Variants in ZC2HC1B observed in about 807,000 individuals in gnomAD.
The protein encoded by ZC2HC1B is zinc finger C2HC-type containing 1B, also known as zinc finger C2HC domain-containing protein 1B.
A neutral mutation model predicts 31.0 loss-of-function variants in ZC2HC1B; 36 were observed. The observed-to-expected ratio is 1.16, with a 90% CI of 0.89 to 1.54. ZC2HC1B has a LOEUF of 1.54. Among genes scored for constraint, ZC2HC1B ranks in the 40% most tolerant of loss-of-function variants. The pLI, the probability that ZC2HC1B is intolerant of heterozygous loss-of-function variation, is 0.00. For synonymous variants in ZC2HC1B, 73 were observed against 88.0 expected, an observed-to-expected ratio of 0.83 and a Z score of 0.95; for missense variants, 260 against 268.6, an observed-to-expected ratio of 0.97 and a Z score of 0.22.
intron 6 of ZC2HC1B, 126 bp from the exon 7 acceptor site, chr6:143,937,523 C>T: frequency 1.8e-6 from 1 of 545,326 alleles, no homozygotes; most frequent in Non-Finnish European, 2.8e-6. Context: ...CACACTCCCC[C>T]ACCTCCCACC....
At chr6:143,914,335 T>A (rs1430640188) in intron 6 of ZC2HC1B, among the ~76,000 whole-genome samples, 1 of 152,246 alleles carries the variant, frequency 6.6e-6, no homozygotes, top group Admixed American at 6.5e-5. Context: ...ATTTCTTCCT[T>A]GATAACATTG....
chr6:143,865,345 G>C lies in ZC2HC1B; in HGVS notation c.28+778G>C, dbSNP rs1777244643. 2.6e-5 allele frequency among the ~76,000 whole-genome samples: 4 copies of C among 152,216 alleles called. No homozygotes were observed. The South Asian group carries it at 8.3e-4, about 32-fold the overall frequency. The stretch of plus-strand genomic sequence containing the variant: ...GTAACTGGCAATACTATCGTGGTAA[G>C]TACCACTTGTAATTAGAATCTTGGT... On this transcript the variant is annotated intron_variant, in intron 1 of 7. Coordinates refer to ENST00000237275, the MANE Select transcript of ZC2HC1B (RefSeq NM_001013623.3). This position sits in a 1 kb window ranked among gnomAD's most constrained non-coding sequence, Gnocchi z 4.4.
rs1291358434 is a variant in ZC2HC1B at position 143,934,389 on chromosome 6, CCT to C, written c.599-3255_599-3254del. 2.0e-5 allele frequency among the ~76,000 whole-genome samples: 3 copies of C among 152,166 alleles called. No individual in the cohort carries two copies. The highest frequency in any genetic ancestry group is 4.4e-5 in the Non-Finnish European group (3 of 68,038). ...GCCCTGTCCCCTATCTGCCATCTTC[CCT>C]CTCTTTCAATATGCTTTTTTAATAT... On this transcript the variant is annotated intron_variant, in intron 6 of 7. Transcript: ENST00000237275. The surrounding 1 kb of genome is among the most constrained non-coding windows in gnomAD (Gnocchi z 4.6).
chr6:143,898,800 G>C, intron 5 of ZC2HC1B, 109 bp downstream of exon 5: 1 of 1,355,540 alleles, frequency 7.4e-7, no homozygotes, highest in Non-Finnish European at 1.0e-6. Flanking sequence ...GTGTAAGCGT[G>C]AAGAGAGCTG....
rs1367151217 is a variant in ZC2HC1B, at chr6:143,884,662, G to GA, written c.90+301dup. 6.6e-6 allele frequency among the ~76,000 whole-genome samples: 1 copy of GA among 152,076 alleles called. No homozygotes were observed. The highest frequency in any genetic ancestry group is 1.5e-5 in the Non-Finnish European group (1 of 68,016). ...CTCTTCCACCTTTTCTTTAAGCATC[G>GA]AAAATTCAAATTTCAAGGCCAAAGC... is the stretch of plus-strand genomic sequence containing the variant. On this transcript the variant is annotated intron_variant, in intron 2 of 7. Coordinates refer to ENST00000237275, the MANE Select transcript of ZC2HC1B (RefSeq NM_001013623.3). The surrounding 1 kb of genome is among the most constrained non-coding windows in gnomAD (Gnocchi z 5.1).
At chr6:143,873,433 A>C (rs1412320681) in intron 1 of ZC2HC1B, among the ~76,000 whole-genome samples, 1 of 152,328 alleles carries the variant, frequency 6.6e-6, no homozygotes, top group East Asian at 1.9e-4. Context: ...TCTGGAGGAC[A>C]GTGGCCCTCT....
At chr6:143,882,729 A>G (rs1362708773) in intron 1 of ZC2HC1B, among the ~76,000 whole-genome samples, 4 of 151,926 alleles carry the variant, frequency 2.6e-5, no homozygotes, top group African/African-American at 4.8e-5. Context: ...CTCAAAGCCT[A>G]CATCTGTGTC....
chr6:143,890,596 T>C (rs1777589558), intron 4 of ZC2HC1B, among the ~76,000 whole-genome samples: 1 of 152,064 alleles, frequency 6.6e-6, no homozygotes, highest in Non-Finnish European at 1.5e-5. Flanking sequence ...TAATGCTCAG[T>C]GTAATAAGGC....
rs377075740 is a variant in ZC2HC1B, at chr6:143,924,146, C to T, written c.599-13503C>T. On this transcript the variant is annotated intron_variant, in intron 6 of 7. Transcript: ENST00000237275. This position sits in a 1 kb window ranked among gnomAD's most constrained non-coding sequence, Gnocchi z 5.2. Reference sequence around the variant, plus strand: ...TTCATCAGTGTTTTGAAGTTTTCCTCGTAAGCGTCTTTCACTTTCTTGGTT... The same window carrying T: ...TTCATCAGTGTTTTGAAGTTTTCCTTGTAAGCGTCTTTCACTTTCTTGGTT... Among the ~76,000 whole-genome samples, 3 of 151,876 alleles carry T rather than the reference C, an allele frequency of 2.0e-5. No individual in the cohort carries two copies. Among genetic ancestry groups the T allele is most frequent in the Admixed American group, 6.6e-5 (1 of 15,260 alleles).
In ZC2HC1B at chr6:143,915,819, A is replaced by G. The variant is rs532562423; in HGVS notation, c.598+12667A>G. ...AAATTTCTAAGCAGCAAAGCATTCA[A>G]TATGTGACTTGGGTGCTGTTAAAGG... On this transcript the variant is annotated intron_variant, in intron 6 of 7. Transcript: ENST00000237275. This position sits in a 1 kb window ranked among gnomAD's most constrained non-coding sequence, Gnocchi z 5.2. Among the ~76,000 whole-genome samples, 5 of 152,368 alleles carry G rather than the reference A, an allele frequency of 3.3e-5. No homozygotes were observed. The highest frequency in any genetic ancestry group is 4.1e-4 in the South Asian group (2 of 4,834).
intron 1 of ZC2HC1B, among the ~76,000 whole-genome samples, chr6:143,867,550 T>C (rs1777279187): frequency 6.6e-6 from 1 of 152,238 alleles, no homozygotes; most frequent in South Asian, 2.1e-4. Context: ...TTTCTGCTTC[T>C]AAACTCACCC....
Position 143,898,641 on chromosome 6 carries a change from C to T in ZC2HC1B, c.439C>T (p.Arg147Ter), listed in dbSNP as rs1263180181. 11 of 1,551,838 alleles carry T rather than the reference C, an allele frequency of 7.1e-6. No individual in the cohort carries two copies. Among genetic ancestry groups the T allele is most frequent in the Admixed American group, 2.0e-5 (1 of 50,990 alleles). The change falls in exon 5 of 8, where the codon CGA (arginine) becomes TGA (stop). Residue 147 changes from arginine (R) to a stop codon, truncating the protein, a stop_gained. Coordinates refer to ENST00000237275, the MANE Select transcript of ZC2HC1B (RefSeq NM_001013623.3). LOFTEE classifies it high-confidence loss of function. ...TNFCKDQSSR[R>*]VFNPAQTAAK... ...TTTCTGCAAGGATCAGTCTTCTCGC[C>T]GAGTCTTTAATCCAGCTCAGACAGC...
At position 143,913,524 on chromosome 6, in the gene ZC2HC1B, A is replaced by C. The variant is rs1777884659; in HGVS notation, c.598+10372A>C. 6.6e-6 allele frequency among the ~76,000 whole-genome samples: 1 copy of C among 152,134 alleles called. No individual in the cohort carries two copies. Among genetic ancestry groups the C allele is most frequent in the Non-Finnish European group, 1.5e-5 (1 of 68,020 alleles). On this transcript the variant is annotated intron_variant, in intron 6 of 7. Transcript: ENST00000237275. The surrounding 1 kb of genome is among the most constrained non-coding windows in gnomAD (Gnocchi z 5.7). The stretch of plus-strand genomic sequence containing the variant: ...AGAATGATGCTGCTTGGCTCCCTGG[A>C]TTCTGCCCCTTCCTAGGGATATATG...
rs921763491 is a variant in ZC2HC1B, at chr6:143,899,404, C to G, written c.489+713C>G. On this transcript the variant is annotated intron_variant, in intron 5 of 7. Coordinates refer to ENST00000237275, the MANE Select transcript of ZC2HC1B (RefSeq NM_001013623.3). This position sits in a 1 kb window ranked among gnomAD's most constrained non-coding sequence, Gnocchi z 5.0. Reference sequence around the variant, plus strand: ...TGTTTATTTATTTTTGAGACAGGGGCTCACTCTGTTGCCCAGGCTGGAGTG... The same window carrying G: ...TGTTTATTTATTTTTGAGACAGGGGGTCACTCTGTTGCCCAGGCTGGAGTG... Among the ~76,000 whole-genome samples, 2 of 152,178 alleles carry G rather than the reference C, an allele frequency of 1.3e-5. No individual in the cohort carries two copies. Among genetic ancestry groups the G allele is most frequent in the Admixed American group, 1.3e-4 (2 of 15,274 alleles).
chr6:143,935,876 C>T (rs1187415441), intron 6 of ZC2HC1B, among the ~76,000 whole-genome samples: 1 of 151,890 alleles, frequency 6.6e-6, no homozygotes, highest in Non-Finnish European at 1.5e-5. Context: ...TCTTGAACTC[C>T]TAGGCTCAAG....
intron 6 of ZC2HC1B, among the ~76,000 whole-genome samples, chr6:143,916,126 C>T (rs1323317758): frequency 1.3e-5 from 2 of 152,216 alleles, no homozygotes; most frequent in Non-Finnish European, 2.9e-5. Flanking sequence ...TGTGTGCAGT[C>T]TAGGGACTTG....
intron 1 of ZC2HC1B, among the ~76,000 whole-genome samples, chr6:143,881,424 G>C (rs1777465656): frequency 6.6e-6 from 1 of 151,778 alleles, no homozygotes; most frequent in African/African-American, 2.4e-5. Context: ...GGTGGCACAT[G>C]CCTGTTGTCC....
Position 143,890,148 on chromosome 6 carries a change from A to T in ZC2HC1B, c.349+3327A>T, listed in dbSNP as rs555638749. Among the ~76,000 whole-genome samples, 25 of 152,262 alleles carry T rather than the reference A, an allele frequency of 1.6e-4. No homozygotes were observed. The East Asian group carries it at 4.8e-3, about 29-fold the overall frequency. ...ATCTAACTTTGTGGGATGCAGCTTA[A>T]TTCATTCTTAGAGGGAATTTTATAG... is the stretch of plus-strand genomic sequence containing the variant. On this transcript the variant is annotated intron_variant, in intron 4 of 7. Coordinates refer to ENST00000237275, the MANE Select transcript of ZC2HC1B (RefSeq NM_001013623.3).
intron 4 of ZC2HC1B, among the ~76,000 whole-genome samples, chr6:143,896,141 G>A (rs750921471): frequency 3.9e-5 from 6 of 152,192 alleles, no homozygotes; most frequent in Non-Finnish European, 8.8e-5. Context: ...GGTCCCAGAG[G>A]CCCTAGTGCC....
Sources: allele counts gnomAD v4.1 joint callset (sites outside exome capture counted in the v4.1 genomes callset), GRCh38; gene constraint gnomAD v4.1.1; non-coding constraint Gnocchi (gnomAD v3.1); transcripts MANE v1.5; gene names NCBI Gene and HGNC (gene_info 2026-07-23, HGNC 2026-07-21).